The following EPX variants were observed in gnomAD, a reference collection of about 807,000 sequenced individuals.
EPX encodes eosinophil peroxidase.
In EPX, 60 loss-of-function variants were observed where a neutral mutation model predicts 73.0. The ratio of observed to expected loss-of-function variants is 0.82; its 90% CI spans 0.67 to 1.02. The LOEUF is 1.02. Among genes scored for constraint, EPX ranks in the 50% least tolerant of loss-of-function variants. The pLI, the probability that EPX is intolerant of heterozygous loss-of-function variation, is 0.00. For missense variants in EPX, 950 were observed against 973.9 expected, an observed-to-expected ratio of 0.98 and a Z score of 0.33; for synonymous variants, 347 against 389.2, an observed-to-expected ratio of 0.89 and a Z score of 1.28.
At chr17:58,201,792 G>A (rs1968345719) in intron 10 of EPX, among the ~76,000 whole-genome samples, 1 of 152,064 alleles carries the variant, frequency 6.6e-6, no homozygotes. Flanking sequence ...GAAATGGTGG[G>A]GGGCTTAGAA....
Position 58,194,037 on chromosome 17 carries a change from C to T in EPX, c.539C>T (p.Ser180Leu), listed in dbSNP as rs1346511965. ...WLPAEYEDGL[S>L]LPFGWTPSRR... ...CCCGCCGAGTATGAGGATGGGCTGT[C>T]GCTCCCCTTCGGCTGGACCCCCAGC... The change falls in exon 5 of 13, where the codon TCG (serine) becomes TTG (leucine). Residue 180 changes from serine (S) to leucine (L), a missense_variant. By Grantham distance (145) the Ser-to-Leu change is moderately radical. Coordinates refer to ENST00000225371, the MANE Select transcript of EPX (RefSeq NM_000502.6). 7 of 1,613,374 alleles carry T rather than the reference C, an allele frequency of 4.3e-6. No individual in the cohort carries two copies. Among genetic ancestry groups the T allele is most frequent in the South Asian group, 1.1e-5 (1 of 91,080 alleles).
chr17:58,201,288 C>G (rs866355183), intron 10 of EPX, among the ~76,000 whole-genome samples: 14 of 152,242 alleles, frequency 9.2e-5, no homozygotes, highest in Non-Finnish European at 1.0e-4. Flanking sequence ...GAAACCTGAG[C>G]TTCTTTCCTT....
chr17:58,194,567 G>A (rs34467121), intron 5 of EPX, among the ~76,000 whole-genome samples: 4,864 of 152,116 alleles, frequency 0.032, 235 homozygotes, highest in African/African-American at 0.11. Context: ...TCCATCTGCT[G>A]ACCCCGTACT....
rs755840082 is a variant in EPX at position 58,199,821 on chromosome 17, G to A, written c.1537+27G>A. 9.9e-6 allele frequency: 16 copies of A among 1,608,750 alleles called. No homozygotes were observed. The Admixed American group carries it at 2.7e-4, about 27-fold the overall frequency. On this transcript the variant is annotated intron_variant, in intron 9 of 12. Transcript: ENST00000225371. ...TGACCAGGTTTTCCAGGGGGCAAATGGGGGTGAGGGTGGGGAGCATGCCCT... is the reference window on the plus strand; with the variant it reads ...TGACCAGGTTTTCCAGGGGGCAAATAGGGGTGAGGGTGGGGAGCATGCCCT...
chr17:58,196,065 C>T lies in EPX; in HGVS notation c.802-874C>T, dbSNP rs146308098. The stretch of plus-strand genomic sequence containing the variant: ...TCTTTTTCTTTCTTTTTCTTTCTTC[C>T]GTCCTTTCTTTCTTTATCTTTCCTT... On this transcript the variant is annotated intron_variant, in intron 6 of 12. Coordinates refer to ENST00000225371, the MANE Select transcript of EPX (RefSeq NM_000502.6). 5.5e-4 allele frequency among the ~76,000 whole-genome samples: 71 copies of T among 129,026 alleles called. 1 individual carries two copies. The highest frequency in any genetic ancestry group is 6.5e-4 in the Non-Finnish European group (40 of 61,196). 84.6% of individuals were successfully genotyped at this position (129,026 alleles called of 152,430 possible). A position where few individuals can be genotyped will look rare whatever the true frequency, so the allele number is the denominator to read the frequency against.
At chr17:58,199,872 C>A in intron 9 of EPX, 78 bp downstream of exon 9, 1 of 1,494,176 alleles carries the variant, frequency 6.7e-7, no homozygotes, top group Non-Finnish European at 9.2e-7. Context: ...AGCTTACTGC[C>A]AGGAAGCCAG....
intron 9 of EPX, 85 bp downstream of exon 9, chr17:58,199,879 C>G: frequency 6.8e-7 from 1 of 1,462,002 alleles, no homozygotes; most frequent in African/African-American, 1.4e-5. Context: ...TGCCAGGAAG[C>G]CAGGCTGCTG....
rs976093943 is a variant in EPX, at chr17:58,198,587, G to T, written c.1121-453G>T. Among the ~76,000 whole-genome samples, 6 of 152,142 alleles carry T rather than the reference G, an allele frequency of 3.9e-5. No individual in the cohort carries two copies. The East Asian group carries it at 1.2e-3, about 29-fold the overall frequency. On this transcript the variant is annotated intron_variant, in intron 7 of 12. Transcript: ENST00000225371. ...CTCTTCCTCTTTCCCTCTGGTTCAC[G>T]GGGGAGAGCAGTATTATACCAAGCC...
At position 58,197,288 on chromosome 17, in the gene EPX, A is replaced by C. The variant is rs779938697; in HGVS notation, c.1120+31A>C. On this transcript the variant is annotated intron_variant, in intron 7 of 12. Coordinates refer to ENST00000225371, the MANE Select transcript of EPX (RefSeq NM_000502.6). The stretch of plus-strand genomic sequence containing the variant: ...ACAGGGAGGAAGGTGGTGTCTTCCC[A>C]GGAAACAGCCATCCCTGGGGTCCCA... The C allele has an allele frequency of 3.7e-6, 6 of 1,606,564 alleles. No individual in the cohort carries two copies. In the East Asian group the frequency reaches 1.3e-4, roughly 36 times the overall value.
intron 9 of EPX, 90 bp from the exon 10 acceptor site, chr17:58,200,135 C>A: frequency 7.8e-7 from 1 of 1,288,184 alleles, no homozygotes. Context: ...CTGGCTTGTC[C>A]AGCTCTGGGC....
At chr17:58,192,948 A>T in intron 1 of EPX, 26 bp downstream of exon 1, 1 of 1,610,556 alleles carries the variant, frequency 6.2e-7, no homozygotes, top group Non-Finnish European at 8.5e-7. Flanking sequence ...ACAGGCAAGG[A>T]GGAGGGAGGG....
rs1459760763 is a variant in EPX, at chr17:58,199,788, T to C, written c.1531T>C (p.Tyr511His). ...SAFFASWRIV[Y>H]EGGIDPILRG... Reference sequence around the variant, plus strand: ...CTTCTTTGCCAGCTGGCGGATCGTGTATGAAGGTGACCAGGTTTTCCAGGG... The same window carrying C: ...CTTCTTTGCCAGCTGGCGGATCGTGCATGAAGGTGACCAGGTTTTCCAGGG... Residue 511 changes from tyrosine (Y) to histidine (H), a missense_variant, in exon 9 of 13, where the codon TAT becomes CAT. Transcript: ENST00000225371. The C allele has an allele frequency of 6.2e-7, 1 of 1,609,222 alleles. No homozygotes were observed.
chr17:58,196,837 G>A, intron 6 of EPX, 102 bp from the exon 7 acceptor site: 1 of 917,888 alleles, frequency 1.1e-6, no homozygotes, highest in Non-Finnish European at 1.8e-6. Flanking sequence ...CTTCCTGGAG[G>A]AAGGGAGTTT....
At chr17:58,195,685 C>T (rs1268630324) in intron 6 of EPX, among the ~76,000 whole-genome samples, 4 of 150,772 alleles carry the variant, frequency 2.7e-5, no homozygotes, top group African/African-American at 9.9e-5. Flanking sequence ...CACACGTGCA[C>T]ACACACACTC....
At chr17:58,194,536 T>C (rs1968227303) in intron 5 of EPX, among the ~76,000 whole-genome samples, 1 of 152,198 alleles carries the variant, frequency 6.6e-6, no homozygotes, top group Non-Finnish European at 1.5e-5. Context: ...ATCTATTAAT[T>C]AATTTTCTTC....
chr17:58,203,455 G>C, intron 11 of EPX, 137 bp downstream of exon 11: 1 of 752,252 alleles, frequency 1.3e-6, no homozygotes, highest in South Asian at 1.5e-5. Context: ...AAATCAGGAG[G>C]CTCCTCTCTG....
Position 58,199,585 on chromosome 17 carries a change from G to C in EPX, c.1328G>C (p.Arg443Pro). Residue 443 changes from arginine to proline, a missense_variant, in exon 9 of 13, where the codon CGG becomes CCG. Arg to Pro is a moderately radical substitution (Grantham distance 103, BLOSUM62 -2). Transcript: ENST00000225371. ...CTGCCCCTGGTTCTGGGCAAGGCCC[G>C]GGCCAGGAGAACCCTGGGGCACTAC... ...DFLPLVLGKA[R>P]ARRTLGHYRG... 1 of 1,614,100 alleles carries C rather than the reference G, an allele frequency of 6.2e-7. No individual in the cohort carries two copies. The highest frequency in any genetic ancestry group is 8.5e-7 in the Non-Finnish European group (1 of 1,180,000).
Position 58,198,954 on chromosome 17 carries a change from C to G in EPX, c.1121-86C>G, listed in dbSNP as rs1968299279. On this transcript the variant is annotated intron_variant, in intron 7 of 12. Coordinates refer to ENST00000225371, the MANE Select transcript of EPX (RefSeq NM_000502.6). Reference sequence around the variant, plus strand: ...GCCAGGAGTTTGGCCCACCCCGTCTCTCCCATCCCCAGCCCTGGGTCTACC... The same window carrying G: ...GCCAGGAGTTTGGCCCACCCCGTCTGTCCCATCCCCAGCCCTGGGTCTACC... 4 of 1,461,322 alleles carry G rather than the reference C, an allele frequency of 2.7e-6. No homozygotes were observed. In the Admixed American group the frequency reaches 6.7e-5, roughly 24 times the overall value. 90.5% of individuals were successfully genotyped at this position (1,461,322 alleles called of 1,614,324 possible).
chr17:58,200,542 CCCAAAGCACT>C, intron 10 of EPX, 147 bp downstream of exon 10: 1 of 817,264 alleles, frequency 1.2e-6, no homozygotes, highest in Non-Finnish European at 2.0e-6. Context: ...AGGTCGATGT[CCCAAAGCACT>C]CCTGGAACAC....
Sources: allele counts gnomAD v4.1 joint callset (sites outside exome capture counted in the v4.1 genomes callset), GRCh38; gene constraint gnomAD v4.1.1; transcripts MANE v1.5; gene names NCBI Gene and HGNC (gene_info 2026-07-23, HGNC 2026-07-21).